Variants in NEK11 observed in about 807,000 individuals in gnomAD.
NEK11 encodes the protein serine/threonine-protein kinase Nek11.
In NEK11, 72 loss-of-function variants were observed where a neutral mutation model predicts 80.7. The ratio of observed to expected loss-of-function variants is 0.89; its 90% CI spans 0.74 to 1.08. The LOEUF (loss-of-function observed/expected upper bound fraction) is 1.08, where lower values mean the gene tolerates loss of function less well. Ranked by LOEUF, NEK11 falls within the 50% of genes least tolerant of loss-of-function variation. The pLI is 0.00. For missense variants in NEK11, 764 were observed against 763.6 expected (o/e 1.00, Z -0.01); for synonymous variants, 251 against 260.7 (o/e 0.96, Z 0.36).
At chr3:131,208,206 C>A (rs1035718960) in intron 14 of NEK11, among the ~76,000 whole-genome samples, 2 of 152,168 alleles carry the variant, frequency 1.3e-5, no homozygotes, top group African/African-American at 4.8e-5. Context: ...TTCCCAGCAC[C>A]ATTTATTAAA....
intron 17 of NEK11, among the ~76,000 whole-genome samples, chr3:131,311,897 A>G (rs1424908297): frequency 6.6e-6 from 1 of 152,238 alleles, no homozygotes; most frequent in African/African-American, 2.4e-5. Flanking sequence ...GAAAAATTCA[A>G]TGGAAGCCCA....
chr3:131,096,913 A>G (rs1015435399), intron 4 of NEK11, among the ~76,000 whole-genome samples: 7 of 115,786 alleles, frequency 6.0e-5, no homozygotes, highest in African/African-American at 1.3e-4. Flanking sequence ...GGTCCCCAGA[A>G]TGTGATGTTC....
At chr3:131,137,481 G>T (rs1401313742) in intron 7 of NEK11, among the ~76,000 whole-genome samples, 2 of 152,092 alleles carry the variant, frequency 1.3e-5, no homozygotes, top group African/African-American at 4.8e-5. Flanking sequence ...TGGAGCAAAA[G>T]AATTAATTTT....
intron 4 of NEK11, 200 bp from the exon 5 acceptor site, chr3:131,109,603 G>T (rs1020112251): frequency 1.9e-6 from 1 of 518,462 alleles, no homozygotes; most frequent in Non-Finnish European, 3.4e-6. Flanking sequence ...AGTCTTTATA[G>T]GTTAATGTTG....
chr3:131,259,191 A>T (rs1317064717), intron 16 of NEK11, among the ~76,000 whole-genome samples: 1 of 152,066 alleles, frequency 6.6e-6, no homozygotes, highest in Non-Finnish European at 1.5e-5. Flanking sequence ...AAAGCATTTG[A>T]GGTTGTTCTC....
intron 10 of NEK11, among the ~76,000 whole-genome samples, chr3:131,158,609 C>G (rs537532460): frequency 1.8e-4 from 28 of 152,338 alleles, no homozygotes; most frequent in African/African-American, 6.5e-4. Context: ...CCTATGCCCA[C>G]AAGTGCTGCA....
At chr3:131,114,261 T>G (rs2080646421) in intron 5 of NEK11, among the ~76,000 whole-genome samples, 1 of 151,724 alleles carries the variant, frequency 6.6e-6, no homozygotes, top group African/African-American at 2.4e-5. Flanking sequence ...AAAGGAATGA[T>G]TTTTTTTAGC....
intron 15 of NEK11, among the ~76,000 whole-genome samples, chr3:131,230,425 C>T (rs1470897125): frequency 6.6e-6 from 1 of 152,070 alleles, no homozygotes; most frequent in Non-Finnish European, 1.5e-5. Context: ...TTCTACCTCA[C>T]AGAGTGGTTT....
intron 3 of NEK11, among the ~76,000 whole-genome samples, chr3:131,070,064 A>G (rs940109251): frequency 6.6e-6 from 1 of 152,240 alleles, no homozygotes; most frequent in Non-Finnish European, 1.5e-5. Context: ...AATTTGGAGC[A>G]TATAATAATT....
intron 17 of NEK11, among the ~76,000 whole-genome samples, chr3:131,276,510 C>G (rs2096293893): frequency 6.6e-6 from 1 of 152,178 alleles, no homozygotes; most frequent in Non-Finnish European, 1.5e-5. Flanking sequence ...CGTGACTGAA[C>G]AAGATGTTCA....
intron 17 of NEK11, among the ~76,000 whole-genome samples, chr3:131,332,299 C>T (rs1024167676): frequency 1.5e-4 from 23 of 152,322 alleles, no homozygotes; most frequent in African/African-American, 5.3e-4. Flanking sequence ...CAGCAGCATT[C>T]GTGGTTCACG....
chr3:131,106,759 G>T (rs1007481918), intron 4 of NEK11, among the ~76,000 whole-genome samples: 6 of 151,654 alleles, frequency 4.0e-5, no homozygotes, highest in Non-Finnish European at 8.8e-5. Flanking sequence ...CTTAATTTTG[G>T]CAATACCATA....
intron 3 of NEK11, among the ~76,000 whole-genome samples, chr3:131,036,485 A>C (rs2065666468): frequency 6.6e-6 from 1 of 152,232 alleles, no homozygotes; most frequent in African/African-American, 2.4e-5. Flanking sequence ...CTGGAGATAA[A>C]AACTCTACTT....
At chr3:131,050,375 C>A (rs1380956871) in intron 3 of NEK11, among the ~76,000 whole-genome samples, 1 of 152,136 alleles carries the variant, frequency 6.6e-6, no homozygotes, top group Non-Finnish European at 1.5e-5. Context: ...AAAGCAGTAA[C>A]AAATGACTCC....
intron 17 of NEK11, among the ~76,000 whole-genome samples, chr3:131,346,118 G>C (rs1272373570): frequency 6.6e-6 from 1 of 152,124 alleles, no homozygotes; most frequent in Non-Finnish European, 1.5e-5. Context: ...GAGATCTAAT[G>C]TCAATATGAG....
intron 5 of NEK11, among the ~76,000 whole-genome samples, chr3:131,119,745 G>A (rs2082031492): frequency 6.6e-6 from 1 of 152,042 alleles, no homozygotes; most frequent in African/African-American, 2.4e-5. Context: ...TGTCTCTTTT[G>A]ATCTTTGTTG....
chr3:131,253,621 T>C (rs2095750873), intron 16 of NEK11, among the ~76,000 whole-genome samples: 1 of 152,132 alleles, frequency 6.6e-6, no homozygotes, highest in African/African-American at 2.4e-5. Context: ...AGAAAACAAG[T>C]CCCTGTCTTA....
At chr3:131,130,120 G>A (rs536792422) in intron 5 of NEK11, among the ~76,000 whole-genome samples, 2 of 151,938 alleles carry the variant, frequency 1.3e-5, no homozygotes, top group African/African-American at 4.8e-5. Flanking sequence ...CATTACAGTT[G>A]TGTAGCTTTC....
intron 15 of NEK11, among the ~76,000 whole-genome samples, chr3:131,236,079 C>T (rs2095425597): frequency 6.6e-6 from 1 of 152,184 alleles, no homozygotes; most frequent in Non-Finnish European, 1.5e-5. Flanking sequence ...CAATAAACAA[C>T]TGTGTATCAC....
Sources: allele counts gnomAD v4.1 joint callset (sites outside exome capture counted in the v4.1 genomes callset), GRCh38; gene constraint gnomAD v4.1.1; transcripts MANE v1.5; gene names NCBI Gene and HGNC (gene_info 2026-07-23, HGNC 2026-07-21).